VPS13B: variants seen among roughly 807,000 people sequenced by gnomAD.
VPS13B encodes the protein intermembrane lipid transfer protein VPS13B.
VPS13B carries 285 observed loss-of-function variants against 426.4 expected under a neutral mutation model. The observed-to-expected ratio is 0.67, with a 90% CI of 0.61 to 0.74. The LOEUF is 0.74. Among genes scored for constraint, VPS13B ranks in the 30% least tolerant of loss-of-function variants. The probability of loss-of-function intolerance (pLI) is 0.00; values close to 1 mark genes in which losing one functional copy is unlikely to be tolerated. For synonymous variants in VPS13B, 1,676 were observed against 1,676.4 expected, an observed-to-expected ratio of 1.00 and a Z score of 0.01; for missense variants, 4,537 against 4,782.6, an observed-to-expected ratio of 0.95 and a Z score of 1.51.
At chr8:99,472,427 T>C (rs1384247001) in intron 24 of VPS13B, among the ~76,000 whole-genome samples, 1 of 151,880 alleles carries the variant, frequency 6.6e-6, no homozygotes, top group African/African-American at 2.4e-5. Flanking sequence ...ACTTTAAATA[T>C]GTGGACATTA....
At chr8:99,389,690 A>G (rs1244503497) in intron 20 of VPS13B, 1 of 152,192 alleles carries the variant, frequency 6.6e-6, no homozygotes, top group African/African-American at 2.4e-5. Context: ...GTCTTGTCTC[A>G]GAAGTGGCAG....
chr8:99,276,220 T>C (rs1450278160), intron 19 of VPS13B, among the ~76,000 whole-genome samples: 1 of 152,108 alleles, frequency 6.6e-6, no homozygotes, highest in African/African-American at 2.4e-5. Context: ...GAGTATATTA[T>C]GATAATATTT....
At chr8:99,196,406 T>C (rs977514614) in intron 17 of VPS13B, among the ~76,000 whole-genome samples, 3 of 151,974 alleles carry the variant, frequency 2.0e-5, no homozygotes, top group African/African-American at 7.2e-5. Context: ...TGATTTTGTA[T>C]CCCACACCTT....
chr8:99,192,931 A>G lies in VPS13B; in HGVS notation c.2389A>G (p.Thr797Ala), dbSNP rs1291505668. Residue 797 changes from threonine to alanine, a missense_variant, in exon 17 of 62, where the codon ACA becomes GCA. This residue lies in a region of VPS13B where 4,311 missense variants were observed against 4,474.3 expected (regional missense o/e 0.96). Coordinates refer to ENST00000357162, the MANE Select transcript of VPS13B (RefSeq NM_152564.5). The part of the protein sequence containing the change: ...TEGIFELPNL[T>A]IQATRAQTLL... ...AGGTATATTTGAACTTCCAAATCTC[A>G]CAATTCAAGCTACAAGAGCACAGAC... 6.2e-7 allele frequency: 1 copy of G among 1,613,254 alleles called. No homozygotes were observed. The highest frequency in any genetic ancestry group is 8.5e-7 in the Non-Finnish European group (1 of 1,179,572).
intron 44 of VPS13B, among the ~76,000 whole-genome samples, chr8:99,812,876 C>G (rs183746351): frequency 6.8e-4 from 103 of 152,190 alleles, no homozygotes; most frequent in Non-Finnish European, 1.1e-3. Flanking sequence ...GTTCTGAAAC[C>G]TGCTAAGTAA....
rs991974720 is a variant in VPS13B, at chr8:99,544,400, A to G, written c.4746-12050A>G. 2.6e-5 allele frequency among the ~76,000 whole-genome samples: 4 copies of G among 152,152 alleles called. No homozygotes were observed. In the South Asian group the frequency reaches 8.3e-4, roughly 32 times the overall value. ...AGTGGGTGCAGCGCACCAGCATGGC[A>G]CATGTATACATATGTAACTAACCTG... On this transcript the variant is annotated intron_variant, in intron 30 of 61. Transcript: ENST00000357162.
chr8:99,654,429 AC>A (rs1829945799), intron 34 of VPS13B, among the ~76,000 whole-genome samples: 1 of 152,154 alleles, frequency 6.6e-6, no homozygotes, highest in South Asian at 2.1e-4. Context: ...TTCATGGACT[AC>A]TTTTGCTTTT....
At chr8:99,735,434 A>G (rs887286909) in intron 39 of VPS13B, among the ~76,000 whole-genome samples, 11 of 151,214 alleles carry the variant, frequency 7.3e-5, no homozygotes, top group South Asian at 6.2e-4. Context: ...GGACAGAGAC[A>G]CAGACACACA....
In VPS13B at chr8:99,871,535, G is replaced by T. The variant is rs1458677528; in HGVS notation, c.11583G>T (p.Gly3861=). The T allele has an allele frequency of 1.9e-6, 3 of 1,614,108 alleles. No homozygotes were observed. The African/African-American group carries it at 4.0e-5, about 22-fold the overall frequency. The part of the protein sequence containing the change: ...LVRGSGQEHE[G]CLLLTSEVLF... ...GGGGCTCAGGCCAGGAGCATGAAGG[G>T]TGCTTGCTGCTGACATCAGAAGTGC... Residue 3861 remains glycine (G), a synonymous_variant, in exon 61 of 62, where the codon GGG becomes GGT. Coordinates refer to ENST00000357162, the MANE Select transcript of VPS13B (RefSeq NM_152564.5).
rs867664356 is a variant in VPS13B at position 99,028,942 on chromosome 8, G to A, written c.148-9481G>A. Among the ~76,000 whole-genome samples the A allele has an allele frequency of 6.2e-3, 876 of 140,228 alleles. 10 individuals are homozygous for A. The highest frequency in any genetic ancestry group is 0.021 in the African/African-American group (791 of 37,188). 92.0% of individuals were successfully genotyped at this position (140,228 alleles called of 152,430 possible). A position where few individuals can be genotyped will look rare whatever the true frequency, so the allele number is the denominator to read the frequency against. ...CGGAGACGCTCCTCACTTCCCAGACGGGGTGGCTGCCGGACGGAGGGGCTC... is the reference window on the plus strand; with the variant it reads ...CGGAGACGCTCCTCACTTCCCAGACAGGGTGGCTGCCGGACGGAGGGGCTC... On this transcript the variant is annotated intron_variant, in intron 2 of 61. Coordinates refer to ENST00000357162, the MANE Select transcript of VPS13B (RefSeq NM_152564.5).
chr8:99,757,682 T>G (rs892674879), intron 39 of VPS13B, among the ~76,000 whole-genome samples: 2 of 152,208 alleles, frequency 1.3e-5, no homozygotes, highest in African/African-American at 4.8e-5. Flanking sequence ...TCTTCCCAAA[T>G]TAGCCATCAA....
intron 19 of VPS13B, among the ~76,000 whole-genome samples, chr8:99,290,317 A>G (rs999318083): frequency 2.6e-5 from 4 of 152,142 alleles, no homozygotes; most frequent in Non-Finnish European, 5.9e-5. Flanking sequence ...ATGGAATACT[A>G]TGCAGCCATA....
At chr8:99,622,640 T>A (rs529900056) in intron 33 of VPS13B, among the ~76,000 whole-genome samples, 7 of 152,342 alleles carry the variant, frequency 4.6e-5, no homozygotes, top group Admixed American at 6.5e-5. Flanking sequence ...TTGCAAAGAT[T>A]ATGGCAGTTC....
intron 35 of VPS13B, among the ~76,000 whole-genome samples, chr8:99,695,341 A>G (rs1831916536): frequency 6.7e-6 from 1 of 149,022 alleles, no homozygotes; most frequent in Non-Finnish European, 1.5e-5. Flanking sequence ...AATGTGGCAC[A>G]TATACACCAT....
rs764864362 is a variant in VPS13B, at chr8:99,835,546, A to G, written c.9750A>G (p.Pro3250=). 1 of 1,613,962 alleles carries G rather than the reference A, an allele frequency of 6.2e-7. No individual in the cohort carries two copies. The highest frequency in any genetic ancestry group is 1.3e-5 in the African/African-American group (1 of 74,926). The change falls in exon 54 of 62, where the codon CCA becomes CCG. Residue 3250 remains proline, a synonymous_variant. Transcript: ENST00000357162. ...CCTTTTTTAAAATTTCAGATATTCC[A>G]AAGTTTGAGGTTTATTGCAAAAAAA... The part of the protein sequence containing the change: ...MLIKENIKDI[P]KFEVYCKKIP...
chr8:99,371,540 T>A (rs1215709337), intron 19 of VPS13B, among the ~76,000 whole-genome samples: 1 of 152,230 alleles, frequency 6.6e-6, no homozygotes, highest in African/African-American at 2.4e-5. Context: ...GCTTTGTTCG[T>A]TTTGCTTAGG....
intron 33 of VPS13B, among the ~76,000 whole-genome samples, chr8:99,630,682 G>GAA (rs60440081): frequency 0.14 from 20,489 of 150,738 alleles, 1,888 homozygotes; most frequent in East Asian, 0.38. Flanking sequence ...TAATGTAGGG[G>GAA]AAAAAAAACC....
At chr8:99,587,828 A>AAAT (rs1358479914) in intron 33 of VPS13B, among the ~76,000 whole-genome samples, 3 of 151,764 alleles carry the variant, frequency 2.0e-5, no homozygotes, top group African/African-American at 7.3e-5. Flanking sequence ...TAGTTTAATT[A>AAAT]GATCCCATTT....
chr8:99,458,947 G>T (rs577823697), intron 23 of VPS13B, among the ~76,000 whole-genome samples: 150 of 152,130 alleles, frequency 9.9e-4, no homozygotes, highest in African/African-American at 2.9e-3. Context: ...GTCAATTTTG[G>T]CTTTTGTTGC....
Sources: allele counts gnomAD v4.1 joint callset (sites outside exome capture counted in the v4.1 genomes callset), GRCh38; gene constraint gnomAD v4.1.1; regional missense constraint gnomAD v4.1.1; transcripts MANE v1.5; gene names NCBI Gene and HGNC (gene_info 2026-07-23, HGNC 2026-07-21).